CORO2B: variants seen among roughly 807,000 people sequenced by gnomAD.
CORO2B encodes coronin 2B.
Under a neutral mutation model 58.8 loss-of-function variants are expected in CORO2B, and 26 were observed. That is an observed-to-expected ratio of 0.44 (90% confidence interval 0.32 to 0.61). CORO2B has a LOEUF of 0.61. Ranked by LOEUF, CORO2B falls within the 20% of genes least tolerant of loss-of-function variation. The pLI, the probability that CORO2B is intolerant of heterozygous loss-of-function variation, is 0.04. For missense variants in CORO2B, 460 were observed against 645.1 expected (o/e 0.71, Z 3.11); for synonymous variants, 242 against 253.8 (o/e 0.95, Z 0.44).
intron 2 of CORO2B, among the ~76,000 whole-genome samples, chr15:68,668,623 G>A (rs1399390799): frequency 6.6e-6 from 1 of 152,212 alleles, no homozygotes. Context: ...CCCAGGGTGG[G>A]AAGCCAATGG....
At chr15:68,619,199 G>C (rs1900447625) in intron 1 of CORO2B, among the ~76,000 whole-genome samples, 1 of 152,162 alleles carries the variant, frequency 6.6e-6, no homozygotes, top group African/African-American at 2.4e-5. Context: ...GCCCCAATCT[G>C]TGTTACTCTT....
intron 2 of CORO2B, among the ~76,000 whole-genome samples, chr15:68,688,777 C>T (rs915728736): frequency 6.6e-6 from 1 of 152,170 alleles, no homozygotes; most frequent in African/African-American, 2.4e-5. Flanking sequence ...GTGTGCTTCT[C>T]TGTTGATTTC....
chr15:68,645,223 C>A lies in CORO2B; in HGVS notation c.79C>A (p.Arg27=). The change falls in exon 2 of 12, where the codon CGG becomes AGG. Residue 27 remains arginine, a synonymous_variant. Transcript: ENST00000261861. The surrounding 1 kb of genome is among the most constrained non-coding windows in gnomAD (Gnocchi z 4.5). ...FRNVYGKVAN[R]EHCFDGIPIT... The stretch of plus-strand genomic sequence containing the variant: ...GAATGTCTACGGGAAGGTGGCCAAC[C>A]GGGAGCACTGCTTCGATGGGATCCC... The A allele has an allele frequency of 6.2e-7, 1 of 1,614,190 alleles. No individual in the cohort carries two copies. Among genetic ancestry groups the A allele is most frequent in the Non-Finnish European group, 8.5e-7 (1 of 1,180,036 alleles).
intron 1 of CORO2B, among the ~76,000 whole-genome samples, chr15:68,615,334 C>G (rs1595969348): frequency 6.6e-6 from 1 of 152,152 alleles, no homozygotes; most frequent in Non-Finnish European, 1.5e-5. Context: ...TGGACCAGGA[C>G]TCTTGAGGGG....
chr15:68,706,341 C>T (rs1892784352), intron 3 of CORO2B, among the ~76,000 whole-genome samples: 1 of 148,000 alleles, frequency 6.8e-6, no homozygotes, highest in Admixed American at 6.7e-5. Context: ...GTCCCCCTAA[C>T]AGCTGGGTTC....
chr15:68,602,313 T>A (rs946585548), intron 1 of CORO2B, among the ~76,000 whole-genome samples: 6 of 151,972 alleles, frequency 3.9e-5, no homozygotes, highest in African/African-American at 1.2e-4. Flanking sequence ...TAATTTTTTT[T>A]AAACACTCTT....
chr15:68,702,089 C>T (rs1438566633), intron 3 of CORO2B, among the ~76,000 whole-genome samples: 2 of 152,038 alleles, frequency 1.3e-5, no homozygotes, highest in Non-Finnish European at 2.9e-5. Context: ...TCATGTCCTC[C>T]TCAGGGGGTT....
At chr15:68,619,517 C>T (rs1287554786) in intron 1 of CORO2B, among the ~76,000 whole-genome samples, 1 of 152,076 alleles carries the variant, frequency 6.6e-6, no homozygotes, top group Non-Finnish European at 1.5e-5. Flanking sequence ...TGGATGTAAA[C>T]CTTGGACTGT....
the CORO2B span, among the ~76,000 whole-genome samples, chr15:68,554,530 C>T: frequency 1.3e-5 from 2 of 152,120 alleles, no homozygotes; most frequent in African/African-American, 2.4e-5. Flanking sequence ...GCACCTGAAA[C>T]GCACCCATGT....
intron 3 of CORO2B, among the ~76,000 whole-genome samples, chr15:68,701,089 C>T (rs893626640): frequency 6.6e-6 from 1 of 152,144 alleles, no homozygotes; most frequent in East Asian, 1.9e-4. Flanking sequence ...GAACCAATAC[C>T]TCTTGGAGCT....
rs537647814 is a variant in CORO2B, at chr15:68,631,895, A to T, written c.16-13265A>T. ...GAGGTGCTCCTCGCAGTCAGTGTAA[A>T]TAGGCTGCTGGAATGGCCCCAGATG... On this transcript the variant is annotated intron_variant, in intron 1 of 11. Coordinates refer to ENST00000261861, the MANE Select transcript of CORO2B (RefSeq NM_006091.5). The T allele has an allele frequency of 1.0e-4, 98 of 975,324 alleles. No homozygotes were observed. The African/African-American group carries it at 1.6e-3, about 16-fold the overall frequency. 60.4% of individuals were successfully genotyped at this position (975,324 alleles called of 1,614,324 possible). A position where few individuals can be genotyped will look rare whatever the true frequency, so the allele number is the denominator to read the frequency against.
chr15:68,624,724 G>A (rs530580043), intron 1 of CORO2B, among the ~76,000 whole-genome samples: 99 of 150,736 alleles, frequency 6.6e-4, no homozygotes, highest in South Asian at 3.8e-3. Flanking sequence ...ATAGAGTCTC[G>A]CTCTGTCACC....
intron 2 of CORO2B, among the ~76,000 whole-genome samples, chr15:68,677,711 C>G (rs1378280081): frequency 6.6e-6 from 1 of 152,202 alleles, no homozygotes; most frequent in East Asian, 1.9e-4. Flanking sequence ...CCTGTCCATT[C>G]TGCAGATAAA....
chr15:68,655,479 C>T (rs1901775220), intron 2 of CORO2B, among the ~76,000 whole-genome samples: 1 of 152,162 alleles, frequency 6.6e-6, no homozygotes. Context: ...TTCCAAGCGC[C>T]TTGTTGTGCC....
intron 1 of CORO2B, among the ~76,000 whole-genome samples, chr15:68,611,917 G>A (rs1022345451): frequency 6.6e-6 from 1 of 152,030 alleles, no homozygotes; most frequent in Non-Finnish European, 1.5e-5. Context: ...GACTAGAGGT[G>A]TGCACCACCA....
At chr15:68,723,889 AC>A (rs2140338088) in intron 11 of CORO2B, among the ~76,000 whole-genome samples, 1 of 152,306 alleles carries the variant, frequency 6.6e-6, no homozygotes, top group African/African-American at 2.4e-5. Flanking sequence ...AGCCTGGGCA[AC>A]ATGGCAAGAC....
intron 1 of CORO2B, among the ~76,000 whole-genome samples, chr15:68,598,083 C>T (rs970659705): frequency 6.6e-6 from 1 of 152,256 alleles, no homozygotes; most frequent in African/African-American, 2.4e-5. Flanking sequence ...CAGACCCCCT[C>T]CACCACCTGG....
the CORO2B span, among the ~76,000 whole-genome samples, chr15:68,529,910 G>C: frequency 3.3e-5 from 5 of 152,080 alleles, no homozygotes; most frequent in African/African-American, 1.2e-4. Flanking sequence ...TGAACTAAAG[G>C]TTACTTAGAA....
At position 68,593,795 on chromosome 15, in the gene CORO2B, T is replaced by C. The variant is rs577579608; in HGVS notation, c.15+14518T>C. 1.2e-4 allele frequency among the ~76,000 whole-genome samples: 19 copies of C among 152,122 alleles called. No homozygotes were observed. In the South Asian group the frequency reaches 4.0e-3, roughly 32 times the overall value. ...AGTGGGTGTAGGACGCATTGCACCA[T>C]GCAAAGGTCCCATTGTGGGGTGGGA... On this transcript the variant is annotated intron_variant, in intron 1 of 11. Transcript: ENST00000261861.
Sources: gnomAD v4.1 joint callset for allele counts (sites outside exome capture counted in the v4.1 genomes callset) on GRCh38, gnomAD v4.1.1 for gene constraint, Gnocchi (gnomAD v3.1) non-coding constraint, MANE v1.5 for transcripts, NCBI Gene and HGNC (gene_info 2026-07-23, HGNC 2026-07-21) for gene names.